TBC1D30: variants seen among roughly 807,000 people sequenced by gnomAD.
TBC1D30 encodes the protein TBC1 domain family member 30, also known as TBC1 domain family, member 30.
TBC1D30 carries 31 observed loss-of-function variants against 63.2 expected under a neutral mutation model. The observed-to-expected ratio is 0.49, with a 90% CI of 0.37 to 0.66. The LOEUF (loss-of-function observed/expected upper bound fraction) is 0.66. Among genes scored for constraint, TBC1D30 ranks in the 30% least tolerant of loss-of-function variants. The pLI is 0.00. For synonymous variants in TBC1D30, 307 were observed against 361.5 expected, an observed-to-expected ratio of 0.85 and a Z score of 1.71; for missense variants, 810 against 953.6, an observed-to-expected ratio of 0.85 and a Z score of 1.98.
rs185749020 is a variant in TBC1D30 at position 64,853,082 on chromosome 12, C to T, written c.1038+9597C>T. On this transcript the variant is annotated intron_variant, in intron 8 of 11. Coordinates refer to ENST00000539867, the MANE Select transcript of TBC1D30 (RefSeq NM_015279.2). ...GGAACATTTAAGTCTGCTGAAGTTGCGCCCACAGCTGCCCCTTCCCCCAGG... is the reference window on the plus strand; with the variant it reads ...GGAACATTTAAGTCTGCTGAAGTTGTGCCCACAGCTGCCCCTTCCCCCAGG... 1.2e-3 allele frequency among the ~76,000 whole-genome samples: 181 copies of T among 152,314 alleles called. 2 individuals carry two copies. Among genetic ancestry groups the T allele is most frequent in the Admixed American group, 3.9e-3 (60 of 15,298 alleles).
chr12:64,818,781 T>A (rs1300702491), intron 2 of TBC1D30: 1 of 152,240 alleles, frequency 6.6e-6, no homozygotes, highest in Admixed American at 6.5e-5. Flanking sequence ...TGTTCATAAT[T>A]TTCTCTCTCA....
chr12:64,831,596 T>C (rs916897822), intron 4 of TBC1D30, among the ~76,000 whole-genome samples: 6 of 152,354 alleles, frequency 3.9e-5, no homozygotes, highest in Non-Finnish European at 2.9e-5. Context: ...TATTTCTGTC[T>C]TTCTTATATA....
chr12:64,829,046 A>G (rs1183302771), intron 3 of TBC1D30, among the ~76,000 whole-genome samples: 1 of 152,014 alleles, frequency 6.6e-6, no homozygotes, highest in Admixed American at 6.6e-5. Flanking sequence ...CACAGTGAAC[A>G]AAGGGGGAAG....
chr12:64,786,332 T>A (rs926011252), intron 2 of TBC1D30, among the ~76,000 whole-genome samples: 1 of 152,048 alleles, frequency 6.6e-6, no homozygotes, highest in Admixed American at 6.6e-5. Flanking sequence ...TTTATTTTAT[T>A]TATTTATTTA....
At chr12:64,780,197 C>T (rs1034519515), upstream of TBC1D30, among the ~76,000 whole-genome samples, 1 of 152,150 alleles carries the variant, frequency 6.6e-6, no homozygotes, top group Non-Finnish European at 1.5e-5. Context: ...AGATATTTGC[C>T]AGGTGTTCAG....
intron 2 of TBC1D30, among the ~76,000 whole-genome samples, chr12:64,793,836 T>A (rs1269210496): frequency 6.6e-6 from 1 of 152,216 alleles, no homozygotes; most frequent in Non-Finnish European, 1.5e-5. Flanking sequence ...CTGGCTGGGC[T>A]CCATCTGCAT....
intron 2 of TBC1D30, among the ~76,000 whole-genome samples, chr12:64,815,043 G>T (rs1216106940): frequency 1.3e-5 from 2 of 152,228 alleles, no homozygotes; most frequent in East Asian, 3.9e-4. Flanking sequence ...AGACATGTAC[G>T]TTCCTTTTCA....
At chr12:64,841,221 A>G (rs1170371463) in intron 7 of TBC1D30, among the ~76,000 whole-genome samples, 1 of 152,228 alleles carries the variant, frequency 6.6e-6, no homozygotes, top group East Asian at 1.9e-4. Context: ...TGCCTTATAT[A>G]TGGTGATCCA....
At chr12:64,840,027 A>AAAAAAAAC (rs1555171793) in intron 7 of TBC1D30, among the ~76,000 whole-genome samples, 3 of 145,808 alleles carry the variant, frequency 2.1e-5, no homozygotes, top group African/African-American at 7.8e-5. Flanking sequence ...AAAAAAAAAA[A>AAAAAAAAC]ATCCACCAAC....
intron 8 of TBC1D30, among the ~76,000 whole-genome samples, chr12:64,860,430 A>C (rs1415044562): frequency 2.0e-5 from 3 of 151,838 alleles, no homozygotes; most frequent in Non-Finnish European, 4.4e-5. Context: ...TTGGGATTAC[A>C]GGCATGAGCT....
chr12:64,802,453 CCT>C (rs1341085696), intron 2 of TBC1D30, among the ~76,000 whole-genome samples: 1 of 151,964 alleles, frequency 6.6e-6, no homozygotes, highest in African/African-American at 2.4e-5. Context: ...CTCTTCCTGC[CCT>C]GTTTGTCTCT....
At chr12:64,789,630 C>T (rs1204399698) in intron 2 of TBC1D30, among the ~76,000 whole-genome samples, 1 of 152,116 alleles carries the variant, frequency 6.6e-6, no homozygotes, top group Non-Finnish European at 1.5e-5. Flanking sequence ...ACCAAAATGG[C>T]TAGATCATTT....
At chr12:64,865,848 T>A (rs1207177848) in intron 9 of TBC1D30, among the ~76,000 whole-genome samples, 2 of 152,120 alleles carry the variant, frequency 1.3e-5, no homozygotes, top group Non-Finnish European at 2.9e-5. Context: ...GGCTCCACAC[T>A]ATGGGGCGTG....
rs77349392 is a variant in TBC1D30, at chr12:64,864,490, C to T, written c.1039-178C>T. Among the ~76,000 whole-genome samples the T allele has an allele frequency of 4.3e-3, 656 of 152,288 alleles. 4 individuals are homozygous for T. The highest frequency in any genetic ancestry group is 0.015 in the African/African-American group (620 of 41,542). On this transcript the variant is annotated intron_variant, in intron 8 of 11. Transcript: ENST00000539867. ...GAGAGCCCACTGGGTCGGGTTTAAT[C>T]ATCTTCTTTTGTCTGTCTTGAAAGC...
At chr12:64,794,981 T>A (rs1872164799) in intron 2 of TBC1D30, among the ~76,000 whole-genome samples, 1 of 152,214 alleles carries the variant, frequency 6.6e-6, no homozygotes, top group Non-Finnish European at 1.5e-5. Context: ...AGAGATAAGA[T>A]TATACAGGGA....
At chr12:64,807,923 T>TTTTTTG (rs1409226138) in intron 2 of TBC1D30, among the ~76,000 whole-genome samples, 1 of 140,548 alleles carries the variant, frequency 7.1e-6, no homozygotes, top group African/African-American at 2.8e-5. Flanking sequence ...TTTAAGTTTT[T>TTTTTTG]TTTTTTTTTT....
intron 2 of TBC1D30, among the ~76,000 whole-genome samples, chr12:64,807,711 T>C (rs141907430): frequency 6.6e-6 from 1 of 152,112 alleles, no homozygotes; most frequent in African/African-American, 2.4e-5. Context: ...CTGGTTTTTT[T>C]ACCAGTTTAA....
chr12:64,870,482 T>C (rs1198332196), intron 10 of TBC1D30, 120 bp from the exon 11 acceptor site: 9 of 771,316 alleles, frequency 1.2e-5, no homozygotes, highest in Non-Finnish European at 1.7e-5. Context: ...TGCGTTTTTT[T>C]CTGTGGTTTA....
intron 8 of TBC1D30, among the ~76,000 whole-genome samples, chr12:64,853,347 G>A (rs928401801): frequency 1.2e-4 from 19 of 152,206 alleles, no homozygotes; most frequent in African/African-American, 4.6e-4. Flanking sequence ...CCCCCACCAA[G>A]CTTGAGTGTC....
Sources: gnomAD v4.1 joint callset for allele counts (sites outside exome capture counted in the v4.1 genomes callset) on GRCh38, gnomAD v4.1.1 for gene constraint, MANE v1.5 for transcripts, NCBI Gene and HGNC (gene_info 2026-07-23, HGNC 2026-07-21) for gene names.